The following FBXO34 variants were observed in gnomAD, a reference collection of about 807,000 sequenced individuals.
FBXO34 encodes F-box protein 34.
Under a neutral mutation model 24.5 loss-of-function variants are expected in FBXO34, and 12 were observed. That is an observed-to-expected ratio of 0.49 (90% CI 0.31 to 0.79). FBXO34 has a LOEUF of 0.79. FBXO34 is among the 30% of genes least tolerant of loss of function. The pLI, the probability that FBXO34 is intolerant of heterozygous loss-of-function variation, is 0.04. For missense variants in FBXO34, 823 were observed against 857.7 expected, an observed-to-expected ratio of 0.96 and a Z score of 0.51; for synonymous variants, 320 against 311.9, an observed-to-expected ratio of 1.03 and a Z score of -0.27.
At chr14:55,394,633 C>T in the FBXO34 span, among the ~76,000 whole-genome samples, 6 of 152,240 alleles carry the variant, frequency 3.9e-5, no homozygotes, top group African/African-American at 9.6e-5. Context: ...AGGACTACCA[C>T]GACCAAAGAG....
chr14:55,272,471 A>G (rs1052113330), intron 1 of FBXO34, among the ~76,000 whole-genome samples: 2 of 151,904 alleles, frequency 1.3e-5, no homozygotes, highest in Non-Finnish European at 2.9e-5. Context: ...ATAGTTTGCA[A>G]TCAGAATTAC....
chr14:55,272,664 A>T (rs539973361), intron 1 of FBXO34, among the ~76,000 whole-genome samples: 1 of 151,850 alleles, frequency 6.6e-6, no homozygotes, highest in Admixed American at 6.6e-5. Flanking sequence ...AATTAATCCA[A>T]CATTTGTCTT....
At chr14:55,365,231 A>C (rs1391753602), downstream of FBXO34, among the ~76,000 whole-genome samples, 3 of 150,620 alleles carry the variant, frequency 2.0e-5, no homozygotes, top group African/African-American at 7.4e-5. Flanking sequence ...ATCTCAAAAA[A>C]AAAAAAAAAA....
the FBXO34 span, among the ~76,000 whole-genome samples, chr14:55,384,764 G>A: frequency 6.6e-6 from 1 of 152,262 alleles, no homozygotes; most frequent in East Asian, 1.9e-4. Flanking sequence ...GAGAGTGAGA[G>A]CAGCCAGAAG....
the FBXO34 span, chr14:55,414,389 T>C: frequency 2.5e-6 from 4 of 1,604,738 alleles, no homozygotes; most frequent in African/African-American, 1.3e-5. Flanking sequence ...TCAGGCTTTT[T>C]TAAAACCTTT....
chr14:55,332,077 T>C (rs1273311597), intron 1 of FBXO34, among the ~76,000 whole-genome samples: 1 of 97,386 alleles, frequency 1.0e-5, no homozygotes, highest in Non-Finnish European at 1.9e-5. Flanking sequence ...CGTGGTGGTA[T>C]GTATAAATAT....
At chr14:55,350,207 T>A (rs10141396) in intron 1 of FBXO34, among the ~76,000 whole-genome samples, 174 bp from the exon 2 acceptor site, 1 of 151,488 alleles carries the variant, frequency 6.6e-6, no homozygotes, top group Admixed American at 6.6e-5. Flanking sequence ...GGTAGCTGTT[T>A]GTTATTCTTG....
rs1259091958 is a variant in FBXO34 at position 55,352,187 on chromosome 14, A to G, written c.1797A>G (p.Lys599=). 2.5e-6 allele frequency: 4 copies of G among 1,614,142 alleles called. No individual in the cohort carries two copies. Among genetic ancestry groups the G allele is most frequent in the Non-Finnish European group, 3.4e-6 (4 of 1,180,016 alleles). ...CCACCAAGAGTTTAGTGGCCCTTAA[A>G]TGTACCTGCTGCTATTTCAAGTTTA... ...LLPTKSLVAL[K]CTCCYFKFII... Residue 599 remains lysine, a synonymous_variant, in exon 2 of 2, where the codon AAA becomes AAG. Transcript: ENST00000313833.
chr14:55,367,305 C>CTCTT (rs1884701304), exon 3 of FBXO34: 1 of 152,214 alleles, frequency 6.6e-6, no homozygotes, highest in East Asian at 1.9e-4. Context: ...AGCTAGACAA[C>CTCTT]TCTTACAAGA....
chr14:55,317,391 A>G (rs535053923), intron 1 of FBXO34, among the ~76,000 whole-genome samples: 25 of 152,202 alleles, frequency 1.6e-4, no homozygotes, highest in Admixed American at 1.2e-3. Flanking sequence ...GAGGTGGGAG[A>G]AGCCCTTGAG....
intron 1 of FBXO34, among the ~76,000 whole-genome samples, chr14:55,300,554 C>T (rs1404892877): frequency 6.6e-6 from 1 of 152,234 alleles, no homozygotes; most frequent in Non-Finnish European, 1.5e-5. Flanking sequence ...GAGATTGTGA[C>T]ACTGCACTCC....
chr14:55,310,127 A>G (rs951878555), intron 1 of FBXO34, among the ~76,000 whole-genome samples: 17 of 152,266 alleles, frequency 1.1e-4, no homozygotes, highest in African/African-American at 4.1e-4. Context: ...ATGGGGATGG[A>G]TGGAGGTAGC....
the FBXO34 span, among the ~76,000 whole-genome samples, chr14:55,382,445 A>G: frequency 6.6e-6 from 1 of 152,144 alleles, no homozygotes; most frequent in Non-Finnish European, 1.5e-5. Flanking sequence ...CCTCCTAAGT[A>G]GCTGGGACTA....
At chr14:55,279,249 G>A (rs992765473) in intron 1 of FBXO34, among the ~76,000 whole-genome samples, 11 of 148,700 alleles carry the variant, frequency 7.4e-5, no homozygotes, top group Non-Finnish European at 1.6e-4. Context: ...TCATGCCACT[G>A]CACTCCAGCC....
chr14:55,275,829 A>AAAG (rs1164193226), intron 1 of FBXO34, among the ~76,000 whole-genome samples: 1 of 151,054 alleles, frequency 6.6e-6, no homozygotes, highest in Non-Finnish European at 1.5e-5. Flanking sequence ...GTCTCAAAAA[A>AAAG]AAAAAAAAAA....
At chr14:55,308,874 G>A (rs897705828) in intron 1 of FBXO34, among the ~76,000 whole-genome samples, 32 of 152,320 alleles carry the variant, frequency 2.1e-4, no homozygotes, top group African/African-American at 7.7e-4. Context: ...TGACTGAAAT[G>A]TAGCATTTCT....
chr14:55,369,362 C>A (rs1883300750), downstream of FBXO34: 2 of 302,582 alleles, frequency 6.6e-6, no homozygotes, highest in African/African-American at 4.3e-5. Flanking sequence ...ACGCACAGGT[C>A]CTCCTTCCAC....
At chr14:55,402,404 G>A in the FBXO34 span, among the ~76,000 whole-genome samples, 24 of 152,092 alleles carry the variant, frequency 1.6e-4, no homozygotes, top group African/African-American at 4.8e-4. Context: ...CTTTTGATTC[G>A]GTTATTGCAT....
At chr14:55,435,040 T>C in the FBXO34 span, among the ~76,000 whole-genome samples, 1 of 151,916 alleles carries the variant, frequency 6.6e-6, no homozygotes, top group Admixed American at 6.6e-5. Context: ...CTTGGCAGGA[T>C]ACAAGAAAGA....
Sources: allele counts gnomAD v4.1 joint callset (sites outside exome capture counted in the v4.1 genomes callset), GRCh38; gene constraint gnomAD v4.1.1; transcripts MANE v1.5; gene names NCBI Gene and HGNC (gene_info 2026-07-23, HGNC 2026-07-21).